CLEC9A: variants seen among roughly 807,000 people sequenced by gnomAD.
The protein encoded by CLEC9A is C-type lectin domain containing 9A.
Under a neutral mutation model 30.0 loss-of-function variants are expected in CLEC9A, and 24 were observed. The ratio of observed to expected loss-of-function variants is 0.80; its 90% CI spans 0.58 to 1.13. CLEC9A has a LOEUF of 1.13. Ranked by LOEUF, CLEC9A falls within the 50% of genes most tolerant of loss-of-function variation. The pLI is 0.00. For missense variants in CLEC9A, 251 were observed against 280.9 expected, an observed-to-expected ratio of 0.89 and a Z score of 0.76; for synonymous variants, 111 against 96.8, an observed-to-expected ratio of 1.15 and a Z score of -0.86.
In CLEC9A at chr12:10,065,945, A is replaced by G. The variant is rs971446565; in HGVS notation, c.*313A>G. On this transcript the variant is annotated 3_prime_UTR_variant, in exon 9 of 9. Transcript: ENST00000355819. ...AATGACTGTAACTTTCACACAAGGT[A>G]CGCATCTATGTTTTTGGGGGAGGTG... is the stretch of plus-strand genomic sequence containing the variant. The G allele has an allele frequency of 1.8e-4, 37 of 200,024 alleles. No individual in the cohort carries two copies. Among genetic ancestry groups the G allele is most frequent in the South Asian group, 3.8e-4 (3 of 7,854 alleles). The allele number at this position is 200,024 out of a possible 1,614,324, so 12.4% of individuals were successfully genotyped here.
chr12:10,062,963 C>T, intron 6 of CLEC9A, 92 bp from the exon 7 acceptor site: 2 of 1,120,720 alleles, frequency 1.8e-6, no homozygotes, highest in Non-Finnish European at 2.5e-6. Flanking sequence ...GAGATTCAGC[C>T]TCACTGAGGG....
intron 1 of CLEC9A, among the ~76,000 whole-genome samples, chr12:10,034,649 G>A (rs978639510): frequency 6.6e-6 from 1 of 152,164 alleles, no homozygotes; most frequent in African/African-American, 2.4e-5. Context: ...ATAAACATAT[G>A]AAATGGGAAA....
rs184505101 is a variant in CLEC9A, at chr12:10,059,621, G to T, written c.173-1506G>T. ...TACTCTGCAAAAGACACTAGGAAGA[G>T]GGTAAAAAGACTTGTTACAGGCCAG... On this transcript the variant is annotated intron_variant, in intron 5 of 8. Coordinates refer to ENST00000355819, the MANE Select transcript of CLEC9A (RefSeq NM_207345.4). Among the ~76,000 whole-genome samples, 4 of 152,204 alleles carry T rather than the reference G, an allele frequency of 2.6e-5. No individual in the cohort carries two copies. The East Asian group carries it at 7.7e-4, about 29-fold the overall frequency.
chr12:10,036,058 C>G (rs996768128), intron 1 of CLEC9A, among the ~76,000 whole-genome samples: 3 of 152,172 alleles, frequency 2.0e-5, no homozygotes, highest in African/African-American at 7.2e-5. Flanking sequence ...ATTAATCCAA[C>G]TGATTATCAT....
At chr12:10,044,567 A>G (rs1865829333) in intron 2 of CLEC9A, among the ~76,000 whole-genome samples, 1 of 152,184 alleles carries the variant, frequency 6.6e-6, no homozygotes, top group South Asian at 2.1e-4. Context: ...TTCTCCTAGA[A>G]TGCTCTGCCT....
At chr12:10,043,672 A>G (rs139644082) in intron 2 of CLEC9A, among the ~76,000 whole-genome samples, 1 of 1,254 alleles carries the variant, frequency 8.0e-4, no homozygotes, top group Admixed American at 0.056. Context: ...ATATATATGT[A>G]TATATATATA....
chr12:10,050,244 C>G (rs1865881453), intron 2 of CLEC9A, among the ~76,000 whole-genome samples: 1 of 152,106 alleles, frequency 6.6e-6, no homozygotes, highest in Non-Finnish European at 1.5e-5. Context: ...ATCACCGTAA[C>G]AGGTAATAAT....
intron 4 of CLEC9A, among the ~76,000 whole-genome samples, chr12:10,053,838 G>A (rs1190388514): frequency 2.0e-5 from 3 of 151,896 alleles, no homozygotes; most frequent in Non-Finnish European, 4.4e-5. Flanking sequence ...TATTTAAAAT[G>A]TGTATCTTTC....
chr12:10,047,802 A>G (rs1031939222), intron 2 of CLEC9A, among the ~76,000 whole-genome samples: 6 of 152,234 alleles, frequency 3.9e-5, no homozygotes, highest in Admixed American at 3.3e-4. Context: ...TAAAAATGCT[A>G]ACGATTACCT....
chr12:10,033,133 T>G (rs1175087208), intron 1 of CLEC9A, among the ~76,000 whole-genome samples: 1 of 152,124 alleles, frequency 6.6e-6, no homozygotes, highest in African/African-American at 2.4e-5. Flanking sequence ...TACATTCTTC[T>G]CTAAAATACA....
chr12:10,049,529 T>C (rs551143225), intron 2 of CLEC9A, among the ~76,000 whole-genome samples: 2 of 152,378 alleles, frequency 1.3e-5, no homozygotes, highest in South Asian at 4.1e-4. Flanking sequence ...CTTTATCTTC[T>C]GGATAACATT....
In CLEC9A at chr12:10,041,464, A is replaced by G. The variant is rs757642231; in HGVS notation, c.-317-2A>G. On this transcript the variant is annotated splice_acceptor_variant, in intron 1 of 8. Coordinates refer to ENST00000355819, the MANE Select transcript of CLEC9A (RefSeq NM_207345.4). LOFTEE classifies it low-confidence loss of function (5UTR_SPLICE). The stretch of plus-strand genomic sequence containing the variant: ...CAACATTCCTGTGCTTGGTTTCTCC[A>G]GGTGACTATAAACGCAGCCCCTGTG... The G allele has an allele frequency of 7.2e-6, 3 of 418,586 alleles. No individual in the cohort carries two copies. The highest frequency in any genetic ancestry group is 1.4e-5 in the Non-Finnish European group (3 of 214,230). The allele number at this position is 418,586 out of a possible 1,614,324, so 25.9% of individuals were successfully genotyped here. A position where few individuals can be genotyped will look rare whatever the true frequency, so the allele number is the denominator to read the frequency against.
intron 5 of CLEC9A, among the ~76,000 whole-genome samples, chr12:10,059,384 T>C (rs1050642864): frequency 8.5e-5 from 13 of 152,200 alleles, no homozygotes; most frequent in African/African-American, 3.1e-4. Flanking sequence ...AAAATAAGCC[T>C]AAGTCTTCAA....
intron 2 of CLEC9A, among the ~76,000 whole-genome samples, chr12:10,050,846 A>G (rs560656779): frequency 6.6e-6 from 1 of 152,254 alleles, no homozygotes; most frequent in African/African-American, 2.4e-5. Context: ...CTTTAAGGCT[A>G]TGTGGGATTA....
At position 10,040,082 on chromosome 12, in the gene CLEC9A, C is replaced by T. The variant is rs574625219; in HGVS notation, c.-317-1384C>T. 2.0e-5 allele frequency among the ~76,000 whole-genome samples: 3 copies of T among 152,332 alleles called. No homozygotes were observed. The South Asian group carries it at 6.2e-4, about 32-fold the overall frequency. On this transcript the variant is annotated intron_variant, in intron 1 of 8. Transcript: ENST00000355819. ...AAGTGATGTGCCAGCCTCGGCCTCT[C>T]AAAGTTCTGGGATTATAGGCATGAG...
At chr12:10,031,990 T>C (rs1422152037) in intron 1 of CLEC9A, among the ~76,000 whole-genome samples, 1 of 151,504 alleles carries the variant, frequency 6.6e-6, no homozygotes, top group Non-Finnish European at 1.5e-5. Flanking sequence ...AGAGCTAAGT[T>C]CAGTGTTGCA....
chr12:10,033,383 T>G (rs1865716772), intron 1 of CLEC9A, among the ~76,000 whole-genome samples: 1 of 152,032 alleles, frequency 6.6e-6, no homozygotes, highest in African/African-American at 2.4e-5. Flanking sequence ...AGCCATACAT[T>G]GATAATGTCC....
At chr12:10,047,785 G>T (rs1865858835) in intron 2 of CLEC9A, among the ~76,000 whole-genome samples, 1 of 152,194 alleles carries the variant, frequency 6.6e-6, no homozygotes. Flanking sequence ...ACACAATACT[G>T]TATTGCTAAA....
intron 2 of CLEC9A, among the ~76,000 whole-genome samples, chr12:10,046,227 A>C (rs1433027314): frequency 6.6e-6 from 1 of 152,214 alleles, no homozygotes; most frequent in African/African-American, 2.4e-5. Flanking sequence ...ATTATACCAG[A>C]AACTTTACAA....
Sources: gnomAD v4.1 joint callset for allele counts (sites outside exome capture counted in the v4.1 genomes callset) on GRCh38, gnomAD v4.1.1 for gene constraint, MANE v1.5 for transcripts, NCBI Gene and HGNC (gene_info 2026-07-23, HGNC 2026-07-21) for gene names.